The following PPFIA3 variants were observed in gnomAD, a reference collection of about 807,000 sequenced individuals.
The protein encoded by PPFIA3 is PPFI scaffold protein A3, also known as liprin-alpha-3.
Under a neutral mutation model 145.8 loss-of-function variants are expected in PPFIA3, and 26 were observed. The ratio of observed to expected loss-of-function variants is 0.18; its 90% CI spans 0.13 to 0.25. The LOEUF is 0.25. Ranked by LOEUF, PPFIA3 falls within the 10% of genes least tolerant of loss-of-function variation. PPFIA3 has a pLI of 1.00. For missense variants in PPFIA3, 1,008 were observed against 1,587.8 expected, an observed-to-expected ratio of 0.63 and a Z score of 6.21; for synonymous variants, 645 against 661.4, an observed-to-expected ratio of 0.98 and a Z score of 0.38.
chr19:49,148,537 A>G lies in PPFIA3; in HGVS notation c.3012-129A>G, dbSNP rs1048298269. 10 of 807,602 alleles carry G rather than the reference A, an allele frequency of 1.2e-5. No homozygotes were observed. In the African/African-American group the frequency reaches 1.5e-4, roughly 12 times the overall value. The allele number at this position is 807,602 out of a possible 1,614,324, so 50.0% of individuals were successfully genotyped here. The stretch of plus-strand genomic sequence containing the variant: ...AATGCCTCACCTCCTGAGGGGGTCA[A>G]CAGTCAATAGAACTTATCAGCTCCC... On this transcript the variant is annotated intron_variant, in intron 24 of 29. Coordinates refer to ENST00000334186, the MANE Select transcript of PPFIA3 (RefSeq NM_003660.4).
chr19:49,137,660 T>TAAAAAAAAAAA (rs1325560140), intron 15 of PPFIA3, among the ~76,000 whole-genome samples: 1 of 57,464 alleles, frequency 1.7e-5, no homozygotes. Flanking sequence ...AAAAAAAAAG[T>TAAAAAAAAAAA]CCCCAACTTA....
chr19:49,129,358 G>T, intron 4 of PPFIA3, 22 bp from the exon 5 acceptor site: 1 of 1,548,736 alleles, frequency 6.5e-7, no homozygotes. Context: ...CCAGCTGACT[G>T]TTGCCCTGCC....
At position 49,145,944 on chromosome 19, in the gene PPFIA3, C is replaced by T; in HGVS notation, c.2747C>T (p.Ser916Phe). The T allele has an allele frequency of 6.2e-7, 1 of 1,613,900 alleles. No homozygotes were observed. Among genetic ancestry groups the T allele is most frequent in the Non-Finnish European group, 8.5e-7 (1 of 1,179,804 alleles). Reference protein sequence around the residue: ...SPSAPASSRTSTGNVWMTHEE... With the variant: ...SPSAPASSRTFTGNVWMTHEE... ...CCATTAACACTCCCTGCCCCTCAGT[C>T]CACAGGAAACGTGTGGATGACACAC... Residue 916 changes from serine (S) to phenylalanine (F), a missense_variant and splice_region_variant, in exon 22 of 30, where the codon TCC becomes TTC. Transcript: ENST00000334186.
At chr19:49,146,941 A>G (rs1316607444) in intron 23 of PPFIA3, among the ~76,000 whole-genome samples, 1 of 152,096 alleles carries the variant, frequency 6.6e-6, no homozygotes, top group Non-Finnish European at 1.5e-5. Flanking sequence ...TAAAAACCAA[A>G]CAAATAAACT....
chr19:49,146,314 T>C, intron 23 of PPFIA3, 122 bp downstream of exon 23: 2 of 1,282,538 alleles, frequency 1.6e-6, no homozygotes, highest in African/African-American at 1.5e-5. Context: ...GGGGGGGCGC[T>C]GCGCCAAGCT....
chr19:49,128,196 C>T lies in PPFIA3; in HGVS notation c.240+83C>T. ...GTCCGGAAGGGGCCGGGCTTGGCGC[C>T]TGGAAGGGAGGAGTCTGGGCGAGGC... On this transcript the variant is annotated intron_variant, in intron 2 of 29. Coordinates refer to ENST00000334186, the MANE Select transcript of PPFIA3 (RefSeq NM_003660.4). This position sits in a 1 kb window ranked among gnomAD's most constrained non-coding sequence, Gnocchi z 4.1. The T allele has an allele frequency of 2.0e-6, 3 of 1,472,852 alleles. No individual in the cohort carries two copies. In the South Asian group the frequency reaches 4.0e-5, roughly 20 times the overall value. The allele number at this position is 1,472,852 out of a possible 1,614,324, so 91.2% of individuals were successfully genotyped here. A position where few individuals can be genotyped will look rare whatever the true frequency, so the allele number is the denominator to read the frequency against.
At chr19:49,131,345 T>C (rs2041069670) in intron 7 of PPFIA3, among the ~76,000 whole-genome samples, 1 of 147,812 alleles carries the variant, frequency 6.8e-6, no homozygotes, top group African/African-American at 2.5e-5. Context: ...ATTTTTTTTT[T>C]TTTTTTTTTT....
At chr19:49,134,592 C>A in intron 11 of PPFIA3, 47 bp from the exon 12 acceptor site, 1 of 1,563,398 alleles carries the variant, frequency 6.4e-7, no homozygotes, top group Non-Finnish European at 8.8e-7. Context: ...GCCCCACGGG[C>A]GTGGCCCCTC....
intron 1 of PPFIA3, among the ~76,000 whole-genome samples, chr19:49,121,563 G>A (rs2040936439): frequency 6.6e-6 from 1 of 152,052 alleles, no homozygotes; most frequent in South Asian, 2.1e-4. Context: ...GATCACCTGA[G>A]GTCAGGATTT....
chr19:49,138,476 C>CA (rs773746517), intron 16 of PPFIA3, 49 bp downstream of exon 16: 10 of 1,426,074 alleles, frequency 7.0e-6, no homozygotes, highest in Non-Finnish European at 9.3e-6. Context: ...GGGGAGAGGT[C>CA]AGAGGCAGGG....
At chr19:49,141,535 CGTGT>C (rs369230655) in intron 19 of PPFIA3, 22 bp downstream of exon 19, 57 of 1,576,082 alleles carry the variant, frequency 3.6e-5, no homozygotes, top group East Asian at 2.3e-4. Flanking sequence ...TGAGTGTGAG[CGTGT>C]GTGTGTGTAT....
chr19:49,134,623 A>T lies in PPFIA3; in HGVS notation c.1378-16A>T. The T allele has an allele frequency of 3.7e-6, 6 of 1,612,422 alleles. No individual in the cohort carries two copies. The highest frequency in any genetic ancestry group is 5.1e-6 in the Non-Finnish European group (6 of 1,179,278). On this transcript the variant is annotated splice_polypyrimidine_tract_variant and intron_variant, in intron 11 of 29. Coordinates refer to ENST00000334186, the MANE Select transcript of PPFIA3 (RefSeq NM_003660.4). ...CCCTCAGGCCTCACTCCCTCACTTC[A>T]CCTCTGTCTCCACAGAACTCCCTGA... is the stretch of plus-strand genomic sequence containing the variant.
In PPFIA3 at chr19:49,130,296, C is replaced by A. The variant is rs2041052463; in HGVS notation, c.658-82C>A. The stretch of plus-strand genomic sequence containing the variant: ...TCCTTATTGATCTTTGATCTACTTT[C>A]AGCTGATTGACTTTCTCCTTGGATT... On this transcript the variant is annotated intron_variant, in intron 6 of 29. Transcript: ENST00000334186. The surrounding 1 kb of genome is among the most constrained non-coding windows in gnomAD (Gnocchi z 4.5). 2 of 1,352,834 alleles carry A rather than the reference C, an allele frequency of 1.5e-6. No individual in the cohort carries two copies. The highest frequency in any genetic ancestry group is 1.5e-5 in the African/African-American group (1 of 68,942). The allele number at this position is 1,352,834 out of a possible 1,614,324, so 83.8% of individuals were successfully genotyped here. A position where few individuals can be genotyped will look rare whatever the true frequency, so the allele number is the denominator to read the frequency against.
chr19:49,128,455 G>A lies in PPFIA3; in HGVS notation c.329G>A (p.Arg110Gln). ...EEEIAELKAE[R>Q]NNTRLLLEHL... is the part of the protein sequence containing the mutation. ...GAGATTGCAGAGCTGAAGGCGGAAC[G>A]GAACAACACGCGGGTGAGGGGTGTT... Residue 110 changes from arginine (R) to glutamine (Q), a missense_variant, in exon 3 of 30, where the codon CGG (arginine) becomes CAG (glutamine). Arg to Gln is a conservative substitution (Grantham distance 43). Around this residue, in one of 11 missense-constraint regions of PPFIA3, gnomAD observed 25 missense variants for 85.2 expected, o/e 0.29. Coordinates refer to ENST00000334186, the MANE Select transcript of PPFIA3 (RefSeq NM_003660.4). This position sits in a 1 kb window ranked among gnomAD's most constrained non-coding sequence, Gnocchi z 4.1. 2.5e-6 allele frequency: 4 copies of A among 1,610,904 alleles called. No individual in the cohort carries two copies. The highest frequency in any genetic ancestry group is 3.4e-6 in the Non-Finnish European group (4 of 1,178,988).
At chr19:49,148,900 G>A (rs1405834611) in intron 25 of PPFIA3, 93 bp from the exon 26 acceptor site, 24 of 1,579,372 alleles carry the variant, frequency 1.5e-5, no homozygotes, top group Non-Finnish European at 2.1e-5. Flanking sequence ...GGGGGGCGTG[G>A]CCCGAAGAGA....
In PPFIA3 at chr19:49,149,621, T is replaced by A; in HGVS notation, c.3429T>A (p.Thr1143=). The change falls in exon 28 of 30, where the codon ACT becomes ACA. Residue 1143 remains threonine, a synonymous_variant. Coordinates refer to ENST00000334186, the MANE Select transcript of PPFIA3 (RefSeq NM_003660.4). This position sits in a 1 kb window ranked among gnomAD's most constrained non-coding sequence, Gnocchi z 5.7. The stretch of plus-strand genomic sequence containing the variant: ...GGGAGAAGGACCTCCGAGGCGTAAC[T>A]CCCGACTCAGCTGAGATGTTGCCCC... ...MFREKDLRGV[T]PDSAEMLPPN... is the part of the protein sequence containing the mutation. The A allele has an allele frequency of 6.2e-7, 1 of 1,614,166 alleles. No individual in the cohort carries two copies. The highest frequency in any genetic ancestry group is 8.5e-7 in the Non-Finnish European group (1 of 1,180,030).
At chr19:49,135,948 G>T in intron 14 of PPFIA3, 25 bp downstream of exon 14, 1 of 1,586,778 alleles carries the variant, frequency 6.3e-7, no homozygotes, top group South Asian at 1.1e-5. Context: ...CTGGGTCCTG[G>T]ACTGAGCAGG....
In PPFIA3 at chr19:49,149,986, G is replaced by T. The variant is rs1438444017; in HGVS notation, c.3527-94G>T. On this transcript the variant is annotated intron_variant, in intron 28 of 29. Coordinates refer to ENST00000334186, the MANE Select transcript of PPFIA3 (RefSeq NM_003660.4). This position sits in a 1 kb window ranked among gnomAD's most constrained non-coding sequence, Gnocchi z 5.7. Reference sequence around the variant, plus strand: ...ACCCATGTGGAGCCCGGCGATCGTTGTGACATCGGGAAGGGAAGTCCAAAG... The same window carrying T: ...ACCCATGTGGAGCCCGGCGATCGTTTTGACATCGGGAAGGGAAGTCCAAAG... The T allele has an allele frequency of 3.9e-5, 55 of 1,415,924 alleles. No individual in the cohort carries two copies. The highest frequency in any genetic ancestry group is 5.1e-5 in the Non-Finnish European group (53 of 1,033,190). 87.7% of individuals were successfully genotyped at this position (1,415,924 alleles called of 1,614,324 possible). A position where few individuals can be genotyped will look rare whatever the true frequency, so the allele number is the denominator to read the frequency against.
intron 7 of PPFIA3, among the ~76,000 whole-genome samples, chr19:49,132,748 C>T (rs1345256768): frequency 6.6e-6 from 1 of 152,174 alleles, no homozygotes; most frequent in Non-Finnish European, 1.5e-5. Context: ...ATCCCACAGG[C>T]CTCAGATCCT....
Sources: gnomAD v4.1 joint callset for allele counts (sites outside exome capture counted in the v4.1 genomes callset) on GRCh38, gnomAD v4.1.1 for gene constraint, gnomAD v4.1.1 regional missense constraint, Gnocchi (gnomAD v3.1) non-coding constraint, MANE v1.5 for transcripts, NCBI Gene and HGNC (gene_info 2026-07-23, HGNC 2026-07-21) for gene names.